The following APPL1 variants were observed in gnomAD, a reference collection of about 807,000 sequenced individuals.
APPL1 encodes the protein adaptor protein, phosphotyrosine interacting with PH domain and leucine zipper 1.
In APPL1, 42 loss-of-function variants were observed where a neutral mutation model predicts 106.8. The observed-to-expected ratio is 0.39, with a 90% confidence interval of 0.31 to 0.51. APPL1 has a LOEUF of 0.51. Ranked by LOEUF, APPL1 falls within the 20% of genes least tolerant of loss-of-function variation. The probability of loss-of-function intolerance (pLI) is 0.75; values close to 1 mark genes in which losing one functional copy is unlikely to be tolerated. For missense variants in APPL1, 769 were observed against 858.2 expected, an observed-to-expected ratio of 0.90 and a Z score of 1.30; for synonymous variants, 263 against 281.8, an observed-to-expected ratio of 0.93 and a Z score of 0.67.
At chr3:57,237,421 T>G in intron 2 of APPL1, 71 bp from the exon 3 acceptor site, 1 of 1,000,396 alleles carries the variant, frequency 1.0e-6, no homozygotes. Flanking sequence ...AATAAATAAA[T>G]TAGGTATTTA....
In APPL1 at chr3:57,242,838, C is replaced by A. The variant is rs2060753964; in HGVS notation, c.416-18C>A. The A allele has an allele frequency of 2.5e-6, 4 of 1,592,004 alleles. No individual in the cohort carries two copies. The highest frequency in any genetic ancestry group is 1.3e-5 in the African/African-American group (1 of 74,474). On this transcript the variant is annotated intron_variant, in intron 6 of 21. Transcript: ENST00000288266. Reference sequence around the variant, plus strand: ...GAAAAGTACTGTTGTATTGTTAACACTCATTTCTTTTTTCCAGATCATGAT... The same window carrying A: ...GAAAAGTACTGTTGTATTGTTAACAATCATTTCTTTTTTCCAGATCATGAT...
intron 2 of APPL1, among the ~76,000 whole-genome samples, chr3:57,236,023 T>C (rs2060714419): frequency 6.7e-6 from 1 of 149,820 alleles, no homozygotes; most frequent in African/African-American, 2.4e-5. Flanking sequence ...TACAATCTTA[T>C]GGAGCACTTC....
chr3:57,263,428 G>T, intron 19 of APPL1, among the ~76,000 whole-genome samples: 3 of 121,826 alleles, frequency 2.5e-5, no homozygotes, highest in Admixed American at 1.0e-4. Flanking sequence ...CTCAGCCTCT[G>T]GTAACCACCC....
chr3:57,258,119 A>G (rs2060846632), intron 15 of APPL1, among the ~76,000 whole-genome samples: 1 of 152,194 alleles, frequency 6.6e-6, no homozygotes, highest in African/African-American at 2.4e-5. Context: ...TCTTACTGTC[A>G]GTGTTTTTTT....
intron 9 of APPL1, 138 bp downstream of exon 9, chr3:57,247,615 G>A (rs889086307): frequency 1.7e-6 from 1 of 592,960 alleles, no homozygotes; most frequent in Admixed American, 3.5e-5. Context: ...TGTGGTTCAT[G>A]GTTACTTCTT....
chr3:57,238,281 GA>G, intron 4 of APPL1, 165 bp downstream of exon 4: 1 of 523,614 alleles, frequency 1.9e-6, no homozygotes, highest in East Asian at 3.1e-5. Context: ...TTCTTTACCT[GA>G]TTAAACATTG....
In APPL1 at chr3:57,252,327, G is replaced by C. The variant is rs1294596366; in HGVS notation, c.1095+16G>C. On this transcript the variant is annotated intron_variant, in intron 12 of 21. Coordinates refer to ENST00000288266, the MANE Select transcript of APPL1 (RefSeq NM_012096.3). ...TCATGAAGAGGTAAGATTTTACCTA[G>C]TTCATTTCTTCATTGACATTTTAAA... The C allele has an allele frequency of 5.1e-6, 8 of 1,556,076 alleles. No individual in the cohort carries two copies. Among genetic ancestry groups the C allele is most frequent in the Non-Finnish European group, 6.2e-6 (7 of 1,135,992 alleles).
At chr3:57,254,624 A>G (rs1418774441) in intron 13 of APPL1, among the ~76,000 whole-genome samples, 2 of 152,066 alleles carry the variant, frequency 1.3e-5, no homozygotes, top group African/African-American at 4.8e-5. Flanking sequence ...TAGCAGTGTA[A>G]TTAAAGATTC....
chr3:57,269,536 A>G lies in APPL1; in HGVS notation c.1984-5A>G. Reference sequence around the variant, plus strand: ...ACTTAGTTTCTTTTTTGTCTTTTCCACTAGGACTTGGAAGAACAAAGTCGG... The same window carrying G: ...ACTTAGTTTCTTTTTTGTCTTTTCCGCTAGGACTTGGAAGAACAAAGTCGG... On this transcript the variant is annotated splice_region_variant and splice_polypyrimidine_tract_variant and intron_variant, in intron 21 of 21. Coordinates refer to ENST00000288266, the MANE Select transcript of APPL1 (RefSeq NM_012096.3). The G allele has an allele frequency of 5.0e-6, 8 of 1,612,242 alleles. No individual in the cohort carries two copies. The highest frequency in any genetic ancestry group is 1.7e-4 in the Middle Eastern group (1 of 6,052).
Position 57,248,184 on chromosome 3 carries a change from C to A in APPL1, c.705-9C>A. On this transcript the variant is annotated splice_polypyrimidine_tract_variant and intron_variant, in intron 9 of 21. Transcript: ENST00000288266. The stretch of plus-strand genomic sequence containing the variant: ...TGTGATTTGTAGCAAATAATCTGTT[C>A]TGTGTCAGTGTTCGCAGGGAAATGG... 6.2e-7 allele frequency: 1 copy of A among 1,609,192 alleles called. No homozygotes were observed. The highest frequency in any genetic ancestry group is 1.1e-5 in the South Asian group (1 of 90,404).
Position 57,257,273 on chromosome 3 carries a change from C to T in APPL1, c.1275C>T (p.Thr425=). 3.1e-6 allele frequency: 5 copies of T among 1,613,764 alleles called. No homozygotes were observed. Among genetic ancestry groups the T allele is most frequent in the Non-Finnish European group, 4.2e-6 (5 of 1,179,904 alleles). The change falls in exon 15 of 22, where the codon ACC becomes ACT. Residue 425 remains threonine (T), a synonymous_variant. Coordinates refer to ENST00000288266, the MANE Select transcript of APPL1 (RefSeq NM_012096.3). ...AATCTCGGCCACCGACAGCTCGAAC[C>T]AGCAGTTCAGGATCCTTAGGATCTG... The part of the protein sequence containing the change: ...AGQSRPPTAR[T]SSSGSLGSES...
chr3:57,237,677 A>C (rs1028679503), intron 3 of APPL1, 126 bp downstream of exon 3: 3 of 617,536 alleles, frequency 4.9e-6, no homozygotes, highest in Non-Finnish European at 8.2e-6. Context: ...TCATGATAGC[A>C]CTTATGTTCA....
At chr3:57,244,646 G>A (rs968616541) in intron 7 of APPL1, among the ~76,000 whole-genome samples, 7 of 152,138 alleles carry the variant, frequency 4.6e-5, no homozygotes, top group Non-Finnish European at 8.8e-5. Context: ...GGCAGAAAGA[G>A]TAAGAAGTAT....
Position 57,227,804 on chromosome 3 carries a change from GGTCAGCTGCGGCGGGCGGGCCGGC to G in APPL1, c.-78_-55del. On this transcript the variant is annotated 5_prime_UTR_variant, in exon 1 of 22. Coordinates refer to ENST00000288266, the MANE Select transcript of APPL1 (RefSeq NM_012096.3). ...GCCCTTGCCGGAGAGGGCGGGCCGG[GGTCAGCTGCGGCGGGCGGGCCGGC>G]GCGGGGAGCTGTGGGCGGCAGCTGC... 3 of 1,264,836 alleles carry G rather than the reference GGTCAGCTGCGGCGGGCGGGCCGGC, an allele frequency of 2.4e-6. No homozygotes were observed. The highest frequency in any genetic ancestry group is 3.2e-6 in the Non-Finnish European group (3 of 952,192). 78.4% of individuals were successfully genotyped at this position (1,264,836 alleles called of 1,614,324 possible). A position where few individuals can be genotyped will look rare whatever the true frequency, so the allele number is the denominator to read the frequency against.
intron 5 of APPL1, 71 bp from the exon 6 acceptor site, chr3:57,242,030 G>T: frequency 9.6e-7 from 1 of 1,037,834 alleles, no homozygotes; most frequent in Non-Finnish European, 1.4e-6. Flanking sequence ...AGTTTAAGTA[G>T]CAGTTATTGT....
At chr3:57,230,298 A>G (rs193183921) in intron 1 of APPL1, among the ~76,000 whole-genome samples, 81 of 152,322 alleles carry the variant, frequency 5.3e-4, no homozygotes, top group Non-Finnish European at 8.8e-4. Flanking sequence ...TCTTAATGAC[A>G]TGTTTTTATT....
chr3:57,253,651 AATT>A (rs1486280431), intron 12 of APPL1, 28 bp from the exon 13 acceptor site: 2 of 1,395,438 alleles, frequency 1.4e-6, no homozygotes, highest in Admixed American at 3.4e-5. Flanking sequence ...GTAGAAAAAA[AATT>A]ATATTTTTCT....
In APPL1 at chr3:57,269,936, C is replaced by T. The variant is rs1023561250; in HGVS notation, c.*249C>T. On this transcript the variant is annotated 3_prime_UTR_variant, in exon 22 of 22. Coordinates refer to ENST00000288266, the MANE Select transcript of APPL1 (RefSeq NM_012096.3). Reference sequence around the variant, plus strand: ...AACCTGCTCATCTCCCTGAAGCAGACTGCTGAGGAATTACATTTGCTCAAG... The same window carrying T: ...AACCTGCTCATCTCCCTGAAGCAGATTGCTGAGGAATTACATTTGCTCAAG... The T allele has an allele frequency of 6.8e-6, 2 of 295,506 alleles. No individual in the cohort carries two copies. Among genetic ancestry groups the T allele is most frequent in the Non-Finnish European group, 1.2e-5 (2 of 161,622 alleles). The allele number at this position is 295,506 out of a possible 1,614,324, so 18.3% of individuals were successfully genotyped here. A position where few individuals can be genotyped will look rare whatever the true frequency, so the allele number is the denominator to read the frequency against.
intron 1 of APPL1, among the ~76,000 whole-genome samples, chr3:57,231,794 C>A (rs1390412021): frequency 1.4e-5 from 2 of 142,590 alleles, no homozygotes; most frequent in African/African-American, 2.7e-5. Context: ...GGTAACAGAA[C>A]GAGGCTTTGG....
Sources: allele counts gnomAD v4.1 joint callset (sites outside exome capture counted in the v4.1 genomes callset), GRCh38; gene constraint gnomAD v4.1.1; transcripts MANE v1.5; gene names NCBI Gene and HGNC (gene_info 2026-07-23, HGNC 2026-07-21).